The following SNTG2 variants were observed in gnomAD, a reference collection of about 807,000 sequenced individuals.
SNTG2 encodes the protein syntrophin gamma 2.
In SNTG2, 74 loss-of-function variants were observed where a neutral mutation model predicts 70.9. The ratio of observed to expected loss-of-function variants is 1.04; its 90% confidence interval spans 0.86 to 1.27. The LOEUF is 1.27. Ranked by LOEUF, SNTG2 falls within the 50% of genes most tolerant of loss-of-function variation. The probability of loss-of-function intolerance (pLI) is 0.00; values close to 1 mark genes in which losing one functional copy is unlikely to be tolerated. For synonymous variants in SNTG2, 278 were observed against 273.8 expected (o/e 1.02, Z -0.15); for missense variants, 717 against 690.7 (o/e 1.04, Z -0.43).
chr2:1,109,579 G>A lies in SNTG2; in HGVS notation c.325+11169G>A, dbSNP rs80319139. 3.4e-4 allele frequency among the ~76,000 whole-genome samples: 51 copies of A among 152,232 alleles called. 1 individual carries two copies. In the East Asian group the frequency reaches 3.9e-3, roughly 12 times the overall value. The stretch of plus-strand genomic sequence containing the variant: ...ATTATGAGTTGCCCAGTTTTACTCC[G>A]CTAACAAGGGCTTATAAAGAGTCCT... On this transcript the variant is annotated intron_variant, in intron 4 of 16. Coordinates refer to ENST00000308624, the MANE Select transcript of SNTG2 (RefSeq NM_018968.4).
chr2:959,485 G>A (rs1660280669), intron 1 of SNTG2, among the ~76,000 whole-genome samples: 1 of 152,134 alleles, frequency 6.6e-6, no homozygotes, highest in Non-Finnish European at 1.5e-5. Context: ...GCAGGAGGAA[G>A]GGAGTCAGGG....
At chr2:1,268,431 A>G (rs1214384392) in intron 14 of SNTG2, among the ~76,000 whole-genome samples, 3 of 152,202 alleles carry the variant, frequency 2.0e-5, no homozygotes, top group Non-Finnish European at 4.4e-5. Context: ...ATCACAGAGC[A>G]CGAAGCTTCC....
intron 15 of SNTG2, among the ~76,000 whole-genome samples, chr2:1,315,585 C>T (rs1245524739): frequency 1.3e-5 from 2 of 152,078 alleles, no homozygotes; most frequent in African/African-American, 2.4e-5. Context: ...ACATCCATTA[C>T]GTCTTTCTTT....
chr2:1,299,651 C>A (rs916908943), intron 14 of SNTG2, among the ~76,000 whole-genome samples: 6 of 152,190 alleles, frequency 3.9e-5, no homozygotes, highest in African/African-American at 1.2e-4. Context: ...TTCGGAGGGA[C>A]ACAAGTCATC....
chr2:987,885 C>T (rs56809628), intron 1 of SNTG2, among the ~76,000 whole-genome samples: 12,987 of 152,150 alleles, frequency 0.085, 744 homozygotes, highest in South Asian at 0.21. Context: ...CCATCACCAG[C>T]GCTCTCCGCT....
chr2:1,296,765 G>A (rs1432569441), intron 14 of SNTG2, among the ~76,000 whole-genome samples: 1 of 152,162 alleles, frequency 6.6e-6, no homozygotes, highest in African/African-American at 2.4e-5. Flanking sequence ...CGCTCTTTAG[G>A]AACAGACCAC....
chr2:1,067,022 C>T (rs1189643399), intron 1 of SNTG2, among the ~76,000 whole-genome samples: 1 of 152,124 alleles, frequency 6.6e-6, no homozygotes, highest in Non-Finnish European at 1.5e-5. Context: ...TGCGAGTTGT[C>T]TCCTCTCCTT....
chr2:1,311,400 T>C (rs953818053), intron 15 of SNTG2, among the ~76,000 whole-genome samples: 4 of 152,236 alleles, frequency 2.6e-5, no homozygotes, highest in Non-Finnish European at 4.4e-5. Context: ...AAACAATTGT[T>C]CCTTGTAGTT....
chr2:1,234,266 T>C (rs574632379), intron 9 of SNTG2, among the ~76,000 whole-genome samples: 1 of 152,340 alleles, frequency 6.6e-6, no homozygotes, highest in South Asian at 2.1e-4. Flanking sequence ...CCGGCTTCTA[T>C]AACAATAAAC....
At chr2:975,121 A>G (rs867552860) in intron 1 of SNTG2, among the ~76,000 whole-genome samples, 6 of 151,882 alleles carry the variant, frequency 4.0e-5, no homozygotes. Context: ...ACACACTTGC[A>G]CTAACACCCG....
chr2:1,214,211 A>G (rs1674227460), intron 9 of SNTG2, among the ~76,000 whole-genome samples: 1 of 152,332 alleles, frequency 6.6e-6, no homozygotes, highest in East Asian at 1.9e-4. Context: ...TTTTATGCTC[A>G]AGATAGTTTG....
At chr2:1,026,703 C>T (rs1004520089) in intron 1 of SNTG2, among the ~76,000 whole-genome samples, 3 of 152,294 alleles carry the variant, frequency 2.0e-5, no homozygotes, top group South Asian at 2.1e-4. Flanking sequence ...GAATAACCCA[C>T]TTGCTCTGCC....
intron 13 of SNTG2, among the ~76,000 whole-genome samples, chr2:1,260,680 A>G (rs942885811): frequency 6.6e-6 from 1 of 152,228 alleles, no homozygotes; most frequent in African/African-American, 2.4e-5. Flanking sequence ...CTGTGACAGG[A>G]ATGCATTATT....
In SNTG2 at chr2:1,222,095, GTCTCTCTCTGTCTCTCTCTGTCTC is replaced by G. The variant is rs1391115938; in HGVS notation, c.719+12871_719+12894del. The stretch of plus-strand genomic sequence containing the variant: ...TCTGTCTCTGTCTCTGTCTCTCTCT[GTCTCTCTCTGTCTCTCTCTGTCTC>G]TCTCTGTCTCTCTCTGTCTCTCTCT... On this transcript the variant is annotated intron_variant, in intron 9 of 16. Transcript: ENST00000308624. Among the ~76,000 whole-genome samples, 37 of 6,970 alleles carry G rather than the reference GTCTCTCTCTGTCTCTCTCTGTCTC, an allele frequency of 5.3e-3. 1 individual carries two copies. The highest frequency in any genetic ancestry group is 0.083 in the Middle Eastern group (1 of 12). The allele number at this position is 6,970 out of a possible 152,430, so 4.6% of individuals were successfully genotyped here.
intron 9 of SNTG2, among the ~76,000 whole-genome samples, chr2:1,221,455 C>G (rs1674823914): frequency 1.5e-5 from 2 of 132,652 alleles, no homozygotes; most frequent in African/African-American, 6.4e-5. Flanking sequence ...CTCTGTCTCT[C>G]TCTGTCTCTG....
At chr2:1,240,518 G>C (rs533248485) in intron 11 of SNTG2, among the ~76,000 whole-genome samples, 2 of 152,250 alleles carry the variant, frequency 1.3e-5, no homozygotes, top group South Asian at 4.1e-4. Context: ...TTCATTTTCT[G>C]GTTACATCTC....
At chr2:997,878 A>G (rs750019124) in intron 1 of SNTG2, among the ~76,000 whole-genome samples, 5 of 152,204 alleles carry the variant, frequency 3.3e-5, no homozygotes, top group Non-Finnish European at 7.3e-5. Flanking sequence ...TAGAGCTGGA[A>G]CTACACAACC....
chr2:1,145,414 A>G (rs1333258924), intron 6 of SNTG2, among the ~76,000 whole-genome samples: 5 of 152,218 alleles, frequency 3.3e-5, no homozygotes, highest in Non-Finnish European at 7.4e-5. Flanking sequence ...TATAGATCCT[A>G]TGGACATGAC....
At chr2:1,217,581 T>C (rs963613163) in intron 9 of SNTG2, among the ~76,000 whole-genome samples, 1 of 152,250 alleles carries the variant, frequency 6.6e-6, no homozygotes, top group Non-Finnish European at 1.5e-5. Flanking sequence ...TAGGTCGTTA[T>C]GCAGCATCAC....
Sources: allele counts gnomAD v4.1 joint callset (sites outside exome capture counted in the v4.1 genomes callset), GRCh38; gene constraint gnomAD v4.1.1; transcripts MANE v1.5; gene names NCBI Gene and HGNC (gene_info 2026-07-23, HGNC 2026-07-21).